SLC26A7: variants seen among roughly 807,000 people sequenced by gnomAD.
SLC26A7 encodes the protein solute carrier family 26 member 7.
A neutral mutation model predicts 82.5 loss-of-function variants in SLC26A7; 59 were observed. That is an observed-to-expected ratio of 0.72 (90% CI 0.58 to 0.89). The LOEUF is 0.89. Ranked by LOEUF, SLC26A7 falls within the 40% of genes least tolerant of loss-of-function variation. SLC26A7 has a pLI of 0.00. For synonymous variants in SLC26A7, 271 were observed against 274.3 expected (o/e 0.99, Z 0.12); for missense variants, 820 against 793.0 (o/e 1.03, Z -0.41).
chr8:91,378,259 A>G (rs189180686), intron 15 of SLC26A7, among the ~76,000 whole-genome samples: 203 of 151,538 alleles, frequency 1.3e-3, no homozygotes, highest in African/African-American at 4.7e-3. Context: ...AACACTTGTT[A>G]GGATTATATA....
chr8:91,255,631 C>T (rs1265881300), intron 2 of SLC26A7, among the ~76,000 whole-genome samples: 1 of 152,090 alleles, frequency 6.6e-6, no homozygotes, highest in African/African-American at 2.4e-5. Flanking sequence ...GTGACACATT[C>T]CTGTCTTTTC....
chr8:91,311,066 A>G (rs1812468393), intron 4 of SLC26A7, among the ~76,000 whole-genome samples: 1 of 152,168 alleles, frequency 6.6e-6, no homozygotes, highest in Non-Finnish European at 1.5e-5. Flanking sequence ...AGCTATACCC[A>G]TATGGATTTG....
At chr8:91,235,097 A>T (rs746531436) in intron 2 of SLC26A7, among the ~76,000 whole-genome samples, 2 of 151,658 alleles carry the variant, frequency 1.3e-5, no homozygotes, top group Admixed American at 1.3e-4. Flanking sequence ...TTTTTTAAAA[A>T]TTTTTTTGTG....
intron 2 of SLC26A7, among the ~76,000 whole-genome samples, chr8:91,255,562 A>G (rs1431759743): frequency 6.6e-6 from 1 of 152,094 alleles, no homozygotes; most frequent in African/African-American, 2.4e-5. Context: ...ATGGCATCCA[A>G]ATATTCCTAA....
intron 2 of SLC26A7, among the ~76,000 whole-genome samples, chr8:91,231,919 A>T (rs1810315950): frequency 1.3e-5 from 2 of 152,276 alleles, no homozygotes; most frequent in Non-Finnish European, 2.9e-5. Context: ...TTGATATAAT[A>T]ACAACTTCAT....
intron 5 of SLC26A7, among the ~76,000 whole-genome samples, chr8:91,324,747 G>A (rs766499856): frequency 4.6e-5 from 7 of 152,126 alleles, no homozygotes; most frequent in Non-Finnish European, 2.9e-5. Flanking sequence ...GAAACAAGGC[G>A]GTGTGATTGA....
upstream of SLC26A7, among the ~76,000 whole-genome samples, chr8:91,247,776 G>C (rs770089389): frequency 1.6e-4 from 25 of 152,032 alleles, no homozygotes; most frequent in Non-Finnish European, 2.9e-4. Flanking sequence ...AAAAATGATT[G>C]AAATTACACA....
At chr8:91,241,233 A>G (rs1031410914) in intron 2 of SLC26A7, among the ~76,000 whole-genome samples, 2 of 152,182 alleles carry the variant, frequency 1.3e-5, no homozygotes, top group African/African-American at 2.4e-5. Flanking sequence ...GTTTTTGATG[A>G]TATGACAAAG....
intron 2 of SLC26A7, among the ~76,000 whole-genome samples, chr8:91,224,332 G>C (rs1810203937): frequency 6.6e-6 from 1 of 152,060 alleles, no homozygotes; most frequent in Admixed American, 6.5e-5. Context: ...TTCAATCTTT[G>C]AGGCTGCTGA....
At chr8:91,315,295 C>T (rs1812597302) in intron 4 of SLC26A7, among the ~76,000 whole-genome samples, 1 of 152,120 alleles carries the variant, frequency 6.6e-6, no homozygotes, top group Non-Finnish European at 1.5e-5. Context: ...CATCATACCT[C>T]AGTAATATGC....
chr8:91,281,571 A>G (rs760123352), intron 2 of SLC26A7, among the ~76,000 whole-genome samples: 1 of 152,224 alleles, frequency 6.6e-6, no homozygotes, highest in African/African-American at 2.4e-5. Context: ...CTGTATTTTC[A>G]TGTTCAACCA....
chr8:91,294,753 G>A (rs1218239368), intron 3 of SLC26A7, among the ~76,000 whole-genome samples: 1 of 152,064 alleles, frequency 6.6e-6, no homozygotes, highest in Admixed American at 6.6e-5. Flanking sequence ...AGGAAGAGGG[G>A]AACACACTGA....
intron 4 of SLC26A7, among the ~76,000 whole-genome samples, chr8:91,308,587 ATTATGAATAGCCCACAC>A (rs1299688496): frequency 1.3e-5 from 2 of 152,306 alleles, no homozygotes; most frequent in East Asian, 3.9e-4. Flanking sequence ...GAAATAAGTC[ATTATGAATAGCCCACAC>A]TTAAGGAGTG....
At chr8:91,257,557 A>G (rs1444449502) in intron 2 of SLC26A7, among the ~76,000 whole-genome samples, 2 of 152,070 alleles carry the variant, frequency 1.3e-5, no homozygotes, top group Non-Finnish European at 2.9e-5. Flanking sequence ...CTTGACTCCT[A>G]TTCATAGCCA....
At chr8:91,373,863 T>C (rs968151918) in intron 15 of SLC26A7, among the ~76,000 whole-genome samples, 2 of 152,026 alleles carry the variant, frequency 1.3e-5, no homozygotes, top group Non-Finnish European at 2.9e-5. Flanking sequence ...CTGGACTTCT[T>C]TTTGGTTGGT....
At chr8:91,353,170 T>G (rs1316871441) in intron 11 of SLC26A7, among the ~76,000 whole-genome samples, 174 bp downstream of exon 11, 2 of 152,148 alleles carry the variant, frequency 1.3e-5, no homozygotes, top group African/African-American at 4.8e-5. Context: ...ATAAATTGTC[T>G]TCATATGAAA....
intron 2 of SLC26A7, among the ~76,000 whole-genome samples, chr8:91,274,519 C>T (rs1011918204): frequency 1.1e-4 from 16 of 152,086 alleles, no homozygotes; most frequent in Admixed American, 6.6e-5. Flanking sequence ...ATAGAGAGCA[C>T]CAAGGAATGC....
chr8:91,354,301 T>C (rs1197754984), intron 11 of SLC26A7, among the ~76,000 whole-genome samples: 1 of 152,096 alleles, frequency 6.6e-6, no homozygotes, highest in Non-Finnish European at 1.5e-5. Flanking sequence ...AAGTTGAGAA[T>C]TGAAGAATTG....
intron 2 of SLC26A7, among the ~76,000 whole-genome samples, chr8:91,231,816 C>T (rs1810314645): frequency 1.3e-5 from 2 of 151,866 alleles, no homozygotes; most frequent in Non-Finnish European, 2.9e-5. Context: ...CACATGTGAG[C>T]ATTGTCTTTT....
Sources: allele counts gnomAD v4.1 joint callset (sites outside exome capture counted in the v4.1 genomes callset), GRCh38; gene constraint gnomAD v4.1.1; transcripts MANE v1.5; gene names NCBI Gene and HGNC (gene_info 2026-07-23, HGNC 2026-07-21).